Variants in DENND6A observed in about 807,000 individuals in gnomAD.
The protein encoded by DENND6A is protein DENND6A.
Under a neutral mutation model 95.5 loss-of-function variants are expected in DENND6A, and 43 were observed. The observed-to-expected ratio is 0.45, with a 90% confidence interval of 0.35 to 0.58. The LOEUF (loss-of-function observed/expected upper bound fraction) is 0.58. Ranked by LOEUF, DENND6A falls within the 20% of genes least tolerant of loss-of-function variation. DENND6A has a pLI of 0.00. For missense variants in DENND6A, 574 were observed against 736.0 expected, an observed-to-expected ratio of 0.78 and a Z score of 2.55; for synonymous variants, 257 against 260.4, an observed-to-expected ratio of 0.99 and a Z score of 0.13.
chr3:57,647,862 T>TG (rs1040328667), intron 9 of DENND6A, among the ~76,000 whole-genome samples: 2 of 37,352 alleles, frequency 5.4e-5, no homozygotes, highest in East Asian at 7.5e-4. Context: ...GGGGTGGGGG[T>TG]GGGGGGTCAA....
intron 1 of DENND6A, among the ~76,000 whole-genome samples, chr3:57,684,479 G>A (rs958576093): frequency 3.3e-5 from 5 of 152,114 alleles, no homozygotes; most frequent in African/African-American, 1.2e-4. Context: ...AGAGTCTAAA[G>A]CCAGGCATGG....
At position 57,637,012 on chromosome 3, in the gene DENND6A, G is replaced by A. The variant is rs188241629; in HGVS notation, c.1133-2243C>T. 4.9e-3 allele frequency among the ~76,000 whole-genome samples: 740 copies of A among 150,850 alleles called. 5 individuals carry two copies. The highest frequency in any genetic ancestry group is 0.017 in the African/African-American group (704 of 41,074). The stretch of plus-strand genomic sequence containing the variant: ...TTTGAGTAAAAAGTTAAATACAGAA[G>A]CATGAACATGTTGCTCAAAGAGTTG... On this transcript the variant is annotated intron_variant, in intron 12 of 19. Transcript: ENST00000311128.
chr3:57,654,307 T>C (rs377342973), intron 9 of DENND6A, among the ~76,000 whole-genome samples: 17 of 152,218 alleles, frequency 1.1e-4, no homozygotes, highest in African/African-American at 4.1e-4. Flanking sequence ...GAGAAAGATA[T>C]AGTATGTTAT....
In DENND6A at chr3:57,672,445, GAA is replaced by G. The variant is rs745642569; in HGVS notation, c.238-9_238-8del. The G allele has an allele frequency of 6.2e-7, 1 of 1,611,014 alleles. No individual in the cohort carries two copies. Among genetic ancestry groups the G allele is most frequent in the South Asian group, 1.1e-5 (1 of 90,938 alleles). The stretch of plus-strand genomic sequence containing the variant: ...AATGCTGAGGATAAATTACCTGGAA[GAA>G]AAGAGTTAAATTTTGTTAAACATAT... On this transcript the variant is annotated splice_polypyrimidine_tract_variant and splice_region_variant and intron_variant, in intron 1 of 19. Coordinates refer to ENST00000311128, the MANE Select transcript of DENND6A (RefSeq NM_152678.3).
chr3:57,639,826 G>A (rs1297687917), intron 12 of DENND6A, among the ~76,000 whole-genome samples: 2 of 151,978 alleles, frequency 1.3e-5, no homozygotes, highest in East Asian at 3.8e-4. Context: ...ACCGAGTCCA[G>A]AATTTGTAAA....
intron 5 of DENND6A, 123 bp downstream of exon 5, chr3:57,663,513 C>CAT (rs1553742684): frequency 4.9e-5 from 17 of 347,104 alleles, no homozygotes; most frequent in East Asian, 2.8e-4. Flanking sequence ...CACACACACA[C>CAT]ATATATATAG....
chr3:57,648,336 G>GA (rs1471479185), intron 9 of DENND6A, among the ~76,000 whole-genome samples: 3 of 152,058 alleles, frequency 2.0e-5, no homozygotes, highest in Non-Finnish European at 4.4e-5. Context: ...AAACACTGCT[G>GA]AAAAAAATCA....
intron 1 of DENND6A, among the ~76,000 whole-genome samples, chr3:57,682,366 G>A (rs1264429671): frequency 1.4e-5 from 2 of 145,426 alleles, no homozygotes; most frequent in Non-Finnish European, 3.0e-5. Flanking sequence ...TTAAGATCTT[G>A]AAGATCATAG....
chr3:57,674,113 T>A (rs2071666541), intron 1 of DENND6A, among the ~76,000 whole-genome samples: 1 of 150,748 alleles, frequency 6.6e-6, no homozygotes, highest in South Asian at 2.2e-4. Flanking sequence ...CCGGGTGCAG[T>A]GGCTCACGCC....
At chr3:57,670,065 C>A (rs963217418) in intron 3 of DENND6A, among the ~76,000 whole-genome samples, 4 of 149,656 alleles carry the variant, frequency 2.7e-5, no homozygotes, top group Non-Finnish European at 5.9e-5. Context: ...ATCTGTAGGT[C>A]ATTCATAAGC....
At chr3:57,678,646 G>A (rs990084260) in intron 1 of DENND6A, among the ~76,000 whole-genome samples, 1 of 152,154 alleles carries the variant, frequency 6.6e-6, no homozygotes, top group African/African-American at 2.4e-5. Context: ...CCTTATAAGA[G>A]GAAACACAAG....
chr3:57,675,834 G>A (rs1026391191), intron 1 of DENND6A, among the ~76,000 whole-genome samples: 1 of 152,164 alleles, frequency 6.6e-6, no homozygotes, highest in Non-Finnish European at 1.5e-5. Context: ...CTAGTCAACT[G>A]GCACTATACA....
At chr3:57,628,685 G>T (rs949065523) in intron 19 of DENND6A, 126 bp downstream of exon 19, 2 of 951,808 alleles carry the variant, frequency 2.1e-6, no homozygotes, top group Non-Finnish European at 1.6e-6. Flanking sequence ...ACCATCAATT[G>T]ACCAATTTCA....
In DENND6A at chr3:57,625,501, A is replaced by T. The variant is rs1347181343; in HGVS notation, c.*2713T>A. 1 of 152,604 alleles carries T rather than the reference A, an allele frequency of 6.6e-6. No homozygotes were observed. The highest frequency in any genetic ancestry group is 1.5e-5 in the Non-Finnish European group (1 of 68,036). 9.5% of individuals were successfully genotyped at this position (152,604 alleles called of 1,614,324 possible). On this transcript the variant is annotated 3_prime_UTR_variant, in exon 20 of 20. Coordinates refer to ENST00000311128, the MANE Select transcript of DENND6A (RefSeq NM_152678.3). Reference sequence around the variant, plus strand: ...AATTTAGTTTTTGGTAATGACCATAAATGCCTTCACAAAACCTCTTTTTCA... The same window carrying T: ...AATTTAGTTTTTGGTAATGACCATATATGCCTTCACAAAACCTCTTTTTCA...
In DENND6A at chr3:57,626,278, G is replaced by A. The variant is rs1428959592; in HGVS notation, c.*1936C>T. ...TTTCTTGGGTCAGGAATGCCCTTAA[G>A]AGTTATATCGACAGAGAACAAAAGA... On this transcript the variant is annotated 3_prime_UTR_variant, in exon 20 of 20. Coordinates refer to ENST00000311128, the MANE Select transcript of DENND6A (RefSeq NM_152678.3). The A allele has an allele frequency of 1.3e-5, 2 of 152,550 alleles. No homozygotes were observed. Among genetic ancestry groups the A allele is most frequent in the Non-Finnish European group, 2.9e-5 (2 of 68,030 alleles). The allele number at this position is 152,550 out of a possible 1,614,324, so 9.4% of individuals were successfully genotyped here.
At position 57,693,009 on chromosome 3, in the gene DENND6A, T is replaced by C; in HGVS notation, c.10A>G (p.Arg4Gly). Reference protein sequence around the residue: MALRGPAGLGPGSR... With the variant: MALGGPAGLGPGSR... ...CCGGGCCCCAAGCCCGCAGGGCCCC[T>C]CAAAGCCATCGGCCGCCCCCTGACC... The change falls in exon 1 of 20, where the codon AGG becomes GGG. Residue 4 changes from arginine to glycine, a missense_variant. By Grantham distance (125) the Arg-to-Gly change is moderately radical (BLOSUM62 -2). Around this residue, in one of 2 missense-constraint regions of DENND6A, gnomAD observed 122 missense variants for 105.1 expected, o/e 1.16. Coordinates refer to ENST00000311128, the MANE Select transcript of DENND6A (RefSeq NM_152678.3). 6.7e-7 allele frequency: 1 copy of C among 1,481,526 alleles called. No homozygotes were observed. Among genetic ancestry groups the C allele is most frequent in the Non-Finnish European group, 8.9e-7 (1 of 1,128,474 alleles). 91.8% of individuals were successfully genotyped at this position (1,481,526 alleles called of 1,614,324 possible).
At chr3:57,662,183 T>TCC (rs2071434474) in intron 5 of DENND6A, among the ~76,000 whole-genome samples, 1 of 119,506 alleles carries the variant, frequency 8.4e-6, no homozygotes, top group Non-Finnish European at 1.7e-5. Flanking sequence ...CTTTTCTTTT[T>TCC]TCTTTTTTTT....
intron 3 of DENND6A, among the ~76,000 whole-genome samples, chr3:57,669,887 T>C (rs1174676283): frequency 6.7e-6 from 1 of 148,876 alleles, no homozygotes; most frequent in Non-Finnish European, 1.5e-5. Flanking sequence ...CCAGGCATGG[T>C]GGCAGGCAAA....
intron 1 of DENND6A, among the ~76,000 whole-genome samples, chr3:57,688,606 G>C (rs959365365): frequency 6.6e-6 from 1 of 151,900 alleles, no homozygotes; most frequent in African/African-American, 2.4e-5. Context: ...AGAGTAACGG[G>C]GGAGCAGAAA....
Sources: gnomAD v4.1 joint callset for allele counts (sites outside exome capture counted in the v4.1 genomes callset) on GRCh38, gnomAD v4.1.1 for gene constraint, gnomAD v4.1.1 regional missense constraint, MANE v1.5 for transcripts, NCBI Gene and HGNC (gene_info 2026-07-23, HGNC 2026-07-21) for gene names.